The following NUDCD1 variants were observed in gnomAD, a reference collection of about 807,000 sequenced individuals.
NUDCD1 encodes the protein NudC domain containing 1.
NUDCD1 carries 60 observed loss-of-function variants against 67.8 expected under a neutral mutation model. That is an observed-to-expected ratio of 0.88 (90% CI 0.72 to 1.10). NUDCD1 has a LOEUF of 1.10. Ranked by LOEUF, NUDCD1 falls within the 50% of genes least tolerant of loss-of-function variation. The probability of loss-of-function intolerance (pLI) is 0.00; values close to 1 mark genes in which losing one functional copy is unlikely to be tolerated. For missense variants in NUDCD1, 643 were observed against 695.0 expected, an observed-to-expected ratio of 0.93 and a Z score of 0.84; for synonymous variants, 244 against 230.8, an observed-to-expected ratio of 1.06 and a Z score of -0.52.
At chr8:109,256,788 A>G (rs1358024831) in intron 8 of NUDCD1, among the ~76,000 whole-genome samples, 4 of 151,946 alleles carry the variant, frequency 2.6e-5, no homozygotes, top group African/African-American at 7.3e-5. Context: ...TCTTTTATGT[A>G]GTATTCCTGG....
Position 109,242,881 on chromosome 8 carries a change from TA to T in NUDCD1, c.*127del, listed in dbSNP as rs1263227920. ...CTCTTGAATATATTTCCAATGTTAT[TA>T]AAAAATAAAAAATCATACAAGATAT... On this transcript the variant is annotated 3_prime_UTR_variant, in exon 10 of 10. Coordinates refer to ENST00000239690, the MANE Select transcript of NUDCD1 (RefSeq NM_032869.4). 1.7e-5 allele frequency: 9 copies of T among 540,842 alleles called. No individual in the cohort carries two copies. Among genetic ancestry groups the T allele is most frequent in the Non-Finnish European group, 2.9e-5 (9 of 313,126 alleles). 33.5% of individuals were successfully genotyped at this position (540,842 alleles called of 1,614,324 possible). A position where few individuals can be genotyped will look rare whatever the true frequency, so the allele number is the denominator to read the frequency against.
intron 8 of NUDCD1, among the ~76,000 whole-genome samples, chr8:109,253,226 A>T (rs1287819237): frequency 6.6e-6 from 1 of 152,224 alleles, no homozygotes; most frequent in African/African-American, 2.4e-5. Context: ...ACCAAAAAAT[A>T]AACAATTCAA....
intron 2 of NUDCD1, among the ~76,000 whole-genome samples, chr8:109,306,631 A>C (rs1586296629): frequency 2.8e-5 from 4 of 145,316 alleles, no homozygotes; most frequent in Admixed American, 7.0e-5. Flanking sequence ...ATTATGTTGA[A>C]CCCCCCCCAC....
chr8:109,270,876 T>G lies in NUDCD1; in HGVS notation c.1299+129A>C, dbSNP rs1255723799. The G allele has an allele frequency of 8.5e-6, 5 of 589,872 alleles. No individual in the cohort carries two copies. In the East Asian group the frequency reaches 1.4e-4, roughly 16 times the overall value. 36.5% of individuals were successfully genotyped at this position (589,872 alleles called of 1,614,324 possible). ...GTGTGGTAGTATGAAAAGATGCTAC[T>G]TTATGGAGTGATGAGACTTATCAAA... On this transcript the variant is annotated intron_variant, in intron 8 of 9. Coordinates refer to ENST00000239690, the MANE Select transcript of NUDCD1 (RefSeq NM_032869.4).
chr8:109,263,834 C>T (rs1813926701), intron 8 of NUDCD1, among the ~76,000 whole-genome samples: 1 of 151,928 alleles, frequency 6.6e-6, no homozygotes, highest in Non-Finnish European at 1.5e-5. Context: ...ATGGATGGTA[C>T]AAAAGGAAAA....
chr8:109,281,257 T>C (rs1437353253), intron 5 of NUDCD1, 85 bp from the exon 6 acceptor site: 4 of 799,950 alleles, frequency 5.0e-6, no homozygotes, highest in Admixed American at 2.3e-5. Context: ...AGAATTTTAG[T>C]ATATTTACTA....
chr8:109,281,366 C>A (rs1482093451), intron 5 of NUDCD1, among the ~76,000 whole-genome samples, 194 bp from the exon 6 acceptor site: 1 of 152,120 alleles, frequency 6.6e-6, no homozygotes. Flanking sequence ...AAATTTTCCT[C>A]TTCCAGACTT....
chr8:109,248,512 G>T (rs1260076066), intron 8 of NUDCD1, among the ~76,000 whole-genome samples: 2 of 151,960 alleles, frequency 1.3e-5, no homozygotes, highest in Non-Finnish European at 2.9e-5. Flanking sequence ...CTTTAGATTT[G>T]GGAATTATCT....
At chr8:109,332,572 A>G (rs1815833378) in intron 1 of NUDCD1, among the ~76,000 whole-genome samples, 1 of 152,200 alleles carries the variant, frequency 6.6e-6, no homozygotes, top group Admixed American at 6.5e-5. Flanking sequence ...AGAGCTTCCC[A>G]GCAGATCCAT....
intron 1 of NUDCD1, chr8:109,329,908 G>A (rs1205477771): frequency 3.6e-5 from 56 of 1,536,924 alleles, no homozygotes; most frequent in Middle Eastern, 3.4e-4. Context: ...TGGATGCTAC[G>A]AAGTATGATA....
intron 8 of NUDCD1, among the ~76,000 whole-genome samples, chr8:109,251,985 G>T (rs1436153799): frequency 1.3e-5 from 2 of 151,942 alleles, no homozygotes; most frequent in African/African-American, 2.4e-5. Context: ...CTTTCCTTTT[G>T]AGTTCCACTA....
chr8:109,282,574 G>C (rs1814472176), intron 5 of NUDCD1, among the ~76,000 whole-genome samples: 1 of 150,734 alleles, frequency 6.6e-6, no homozygotes, highest in Non-Finnish European at 1.5e-5. Flanking sequence ...AGAATCTCTA[G>C]ATAAGAAACC....
chr8:109,275,535 A>T, intron 6 of NUDCD1, 39 bp from the exon 7 acceptor site: 2 of 1,468,420 alleles, frequency 1.4e-6, no homozygotes, highest in Non-Finnish European at 1.9e-6. Flanking sequence ...TACATTAAGC[A>T]ATTATACAAA....
At chr8:109,282,028 G>A (rs1467963910) in intron 5 of NUDCD1, among the ~76,000 whole-genome samples, 1 of 152,154 alleles carries the variant, frequency 6.6e-6, no homozygotes, top group Non-Finnish European at 1.5e-5. Context: ...GAGAACTTGG[G>A]GCTGGGAGGG....
chr8:109,285,581 A>G (rs1814556158), intron 5 of NUDCD1, among the ~76,000 whole-genome samples: 1 of 152,216 alleles, frequency 6.6e-6, no homozygotes, highest in Admixed American at 6.5e-5. Flanking sequence ...ACCTCAATAG[A>G]TGAAGAACAA....
chr8:109,266,572 T>C (rs547124413), intron 8 of NUDCD1, among the ~76,000 whole-genome samples: 86 of 152,218 alleles, frequency 5.6e-4, no homozygotes, highest in Non-Finnish European at 8.8e-4. Context: ...TTTATGTATT[T>C]CATGTTTTCA....
intron 2 of NUDCD1, among the ~76,000 whole-genome samples, chr8:109,319,268 C>G (rs190918036): frequency 6.6e-6 from 1 of 152,160 alleles, no homozygotes; most frequent in South Asian, 2.1e-4. Context: ...CCACCGCGCT[C>G]GGCCCATTTT....
At chr8:109,330,525 A>C (rs952802802) in intron 1 of NUDCD1, among the ~76,000 whole-genome samples, 7 of 152,200 alleles carry the variant, frequency 4.6e-5, no homozygotes, top group African/African-American at 1.4e-4. Flanking sequence ...TCCTCAAGTA[A>C]TTCCTAATGA....
At chr8:109,320,115 T>G (rs1232920887) in intron 2 of NUDCD1, among the ~76,000 whole-genome samples, 1 of 152,100 alleles carries the variant, frequency 6.6e-6, no homozygotes, top group African/African-American at 2.4e-5. Context: ...GGGGCGAAAT[T>G]AAAATTGCTA....
Sources: gnomAD v4.1 joint callset for allele counts (sites outside exome capture counted in the v4.1 genomes callset) on GRCh38, gnomAD v4.1.1 for gene constraint, MANE v1.5 for transcripts, NCBI Gene and HGNC (gene_info 2026-07-23, HGNC 2026-07-21) for gene names.